The following OTC variants were observed in gnomAD, a reference collection of about 807,000 sequenced individuals.
The protein encoded by OTC is ornithine transcarbamylase, also known as ornithine transcarbamylase, mitochondrial.
Under a neutral mutation model 30.3 loss-of-function variants are expected in OTC, and 3 were observed. The observed-to-expected ratio is 0.10, with a 90% confidence interval of 0.05 to 0.26. The LOEUF (loss-of-function observed/expected upper bound fraction) is 0.26. Ranked by LOEUF, OTC falls within the 10% of genes least tolerant of loss-of-function variation. The probability of loss-of-function intolerance (pLI) is 1.00; values close to 1 mark genes in which losing one functional copy is unlikely to be tolerated. For synonymous variants in OTC, 111 were observed against 99.7 expected (o/e 1.11, Z -0.67); for missense variants, 194 against 260.3 (o/e 0.75, Z 1.75).
chrX:38,330,961 T>A, the OTC span, among the ~76,000 whole-genome samples: 1 of 112,005 alleles, frequency 8.9e-6, no homozygotes, highest in African/African-American at 3.2e-5. Context: ...CATAGCACTA[T>A]GTCTGGTACA....
intron 6 of OTC, among the ~76,000 whole-genome samples, chrX:38,404,096 C>A (rs2068504434): frequency 8.9e-6 from 1 of 112,566 alleles, no homozygotes; most frequent in Non-Finnish European, 1.9e-5. Flanking sequence ...GCATAGAATT[C>A]TCAACCCATG....
chrX:38,400,855 C>A (rs778674694), intron 4 of OTC, among the ~76,000 whole-genome samples: 2 of 112,834 alleles, frequency 1.8e-5, no homozygotes, highest in African/African-American at 6.4e-5. Context: ...CCATGGCTGC[C>A]ACACTGGGAC....
the OTC span, among the ~76,000 whole-genome samples, chrX:38,345,615 A>G: frequency 1.3e-4 from 14 of 108,801 alleles, no homozygotes; most frequent in African/African-American, 4.7e-4. Context: ...AACTCAGCTC[A>G]CTGCAACCTC....
At chrX:38,357,439 A>G (rs201670397) in intron 1 of OTC, among the ~76,000 whole-genome samples, 1 of 113,144 alleles carries the variant, frequency 8.8e-6, no homozygotes, top group Admixed American at 9.3e-5. Context: ...AATCTCAGCC[A>G]TAAGGCCCAT....
intron 3 of OTC, among the ~76,000 whole-genome samples, chrX:38,372,767 A>G (rs886754234): frequency 1.8e-5 from 2 of 112,735 alleles, no homozygotes; most frequent in African/African-American, 6.5e-5. Context: ...GAACATTCCT[A>G]TTGTGAGTAT....
the OTC span, among the ~76,000 whole-genome samples, chrX:38,329,265 G>T: frequency 2.7e-5 from 3 of 111,138 alleles, no homozygotes; most frequent in East Asian, 8.5e-4. Flanking sequence ...GGTAAATGGG[G>T]CAAGAAGAGC....
chrX:38,364,444 C>G (rs1405888868), intron 1 of OTC, among the ~76,000 whole-genome samples: 1 of 111,772 alleles, frequency 8.9e-6, no homozygotes, highest in East Asian at 2.8e-4. Context: ...TACATATAAG[C>G]TGAAAACAGT....
chrX:38,409,654 C>G (rs2068533691), intron 8 of OTC, among the ~76,000 whole-genome samples: 2 of 112,334 alleles, frequency 1.8e-5, no homozygotes, highest in South Asian at 7.5e-4. Flanking sequence ...CCAGGTGATG[C>G]AGTGCTGCTG....
At chrX:38,381,451 TC>T in intron 4 of OTC, 22 bp downstream of exon 4, 1 of 1,018,474 alleles carries the variant, frequency 9.8e-7, no homozygotes, top group Non-Finnish European at 1.4e-6. Flanking sequence ...TTTTCTTCTC[TC>T]CAAAGCTGAT....
At position 38,403,644 on chromosome X, in the gene OTC, T is replaced by C. The variant is rs1401331899; in HGVS notation, c.567T>C (p.Leu189=). ...AACACTATAGCTCTCTGAAAGGTCT[T>C]ACCCTCAGCTGGATCGGGGATGGGA... ...LQEHYSSLKG[L]TLSWIGDGNN... is the part of the protein sequence containing the mutation. Residue 189 remains leucine, a synonymous_variant, in exon 6 of 10, where the codon CTT becomes CTC. Transcript: ENST00000039007. 3.3e-6 allele frequency: 4 copies of C among 1,208,805 alleles called. No individual in the cohort carries two copies. The highest frequency in any genetic ancestry group is 2.2e-6 in the Non-Finnish European group (2 of 892,637).
intron 4 of OTC, among the ~76,000 whole-genome samples, chrX:38,388,802 T>C (rs1289453934): frequency 8.9e-6 from 1 of 112,504 alleles, no homozygotes; most frequent in African/African-American, 3.2e-5. Flanking sequence ...AATTTACTTA[T>C]GGTAGTGATT....
chrX:38,421,947 T>C (rs1164605543), downstream of OTC, among the ~76,000 whole-genome samples: 2 of 112,090 alleles, frequency 1.8e-5, no homozygotes, highest in Non-Finnish European at 3.8e-5. Context: ...TTCTTTGGGG[T>C]AATAAAAATT....
At chrX:38,422,299 T>C (rs1038617732), downstream of OTC, among the ~76,000 whole-genome samples, 1 of 111,903 alleles carries the variant, frequency 8.9e-6, no homozygotes, top group African/African-American at 3.2e-5. Context: ...AGGCTCATAA[T>C]GTTACAGAAA....
At chrX:38,336,792 A>G in the OTC span, among the ~76,000 whole-genome samples, 1 of 110,290 alleles carries the variant, frequency 9.1e-6, no homozygotes, top group African/African-American at 3.3e-5. Context: ...TAGGAATTGC[A>G]CTTCTGCTTT....
intron 3 of OTC, among the ~76,000 whole-genome samples, chrX:38,376,130 G>A (rs1051664389): frequency 9.1e-6 from 1 of 110,171 alleles, no homozygotes; most frequent in Non-Finnish European, 1.9e-5. Context: ...ACTTTGGTGA[G>A]AGGAGTTTTG....
rs371213822 is a variant in OTC at position 38,411,849 on chromosome X, C to T, written c.868-13C>T. On this transcript the variant is annotated splice_polypyrimidine_tract_variant and intron_variant, in intron 8 of 9. Coordinates refer to ENST00000039007, the MANE Select transcript of OTC (RefSeq NM_000531.6). ...ATAATAGTCAAAAAGTGGTCTTATC[C>T]CCATCTCTTTAGACTGCTAAAGTTG... 14 of 1,206,884 alleles carry T rather than the reference C, an allele frequency of 1.2e-5. No homozygotes were observed. The South Asian group carries it at 2.5e-4, about 21-fold the overall frequency.
intron 4 of OTC, among the ~76,000 whole-genome samples, chrX:38,396,445 T>C (rs2068457684): frequency 8.9e-6 from 1 of 111,984 alleles, no homozygotes; most frequent in African/African-American, 3.2e-5. Flanking sequence ...TCAAAAGTTT[T>C]CATTTCCAGA....
intron 9 of OTC, among the ~76,000 whole-genome samples, chrX:38,419,956 A>G (rs1209017034): frequency 1.8e-5 from 2 of 110,977 alleles, no homozygotes; most frequent in Admixed American, 1.9e-4. Context: ...CAGCAGAATG[A>G]TTATAGTCAA....
At chrX:38,351,851 C>A (rs1447275579), upstream of OTC, among the ~76,000 whole-genome samples, 1 of 111,435 alleles carries the variant, frequency 9.0e-6, no homozygotes, top group Non-Finnish European at 1.9e-5. Context: ...ACCTCTGTCT[C>A]CCGGGTTCAA....
Sources: allele counts gnomAD v4.1 joint callset (sites outside exome capture counted in the v4.1 genomes callset), GRCh38; gene constraint gnomAD v4.1.1; transcripts MANE v1.5; gene names NCBI Gene and HGNC (gene_info 2026-07-23, HGNC 2026-07-21).